Variants in COL11A1 observed in about 807,000 individuals in gnomAD.
COL11A1 encodes the protein collagen type XI alpha 1 chain.
COL11A1 carries 74 observed loss-of-function variants against 265.2 expected under a neutral mutation model. The ratio of observed to expected loss-of-function variants is 0.28; its 90% CI spans 0.23 to 0.34. The LOEUF is 0.34. Among genes scored for constraint, COL11A1 ranks in the 10% least tolerant of loss-of-function variants. The pLI, the probability that COL11A1 is intolerant of heterozygous loss-of-function variation, is 1.00. For missense variants in COL11A1, 2,165 were observed against 2,263.6 expected, an observed-to-expected ratio of 0.96 and a Z score of 0.88; for synonymous variants, 816 against 727.6, an observed-to-expected ratio of 1.12 and a Z score of -1.96.
chr1:103,107,422 G>A (rs1318896544), intron 1 of COL11A1, among the ~76,000 whole-genome samples: 1 of 151,940 alleles, frequency 6.6e-6, no homozygotes, highest in Non-Finnish European at 1.5e-5. Context: ...TCAGGGGAAA[G>A]TGTTCTCCCT....
At chr1:102,951,397 G>A (rs1002056656) in intron 41 of COL11A1, among the ~76,000 whole-genome samples, 1 of 152,154 alleles carries the variant, frequency 6.6e-6, no homozygotes, top group Non-Finnish European at 1.5e-5. Flanking sequence ...TGTTGAACAT[G>A]TTAAAAATTT....
At chr1:103,036,345 TATATATG>T in intron 4 of COL11A1, among the ~76,000 whole-genome samples, 1 of 139,640 alleles carries the variant, frequency 7.2e-6, no homozygotes, top group South Asian at 2.2e-4. Flanking sequence ...TATATATATA[TATATATG>T]ATACTTATGT....
chr1:103,061,484 C>T (rs1325931478), intron 4 of COL11A1, among the ~76,000 whole-genome samples: 1 of 152,016 alleles, frequency 6.6e-6, no homozygotes, highest in Non-Finnish European at 1.5e-5. Context: ...TCAAGATATA[C>T]TACATTCATG....
In COL11A1 at chr1:102,893,810, C is replaced by T. The variant is rs559286094; in HGVS notation, c.4303-3306G>A. 3.9e-5 allele frequency among the ~76,000 whole-genome samples: 6 copies of T among 152,142 alleles called. No individual in the cohort carries two copies. In the East Asian group the frequency reaches 1.2e-3, roughly 29 times the overall value. ...TATTTAATCTGGTGAAAAGCAAATG[C>T]TTTTTTATTTAAACCTTTTTAATCA... On this transcript the variant is annotated intron_variant, in intron 57 of 66. Coordinates refer to ENST00000370096, the MANE Select transcript of COL11A1 (RefSeq NM_001854.4).
intron 49 of COL11A1, among the ~76,000 whole-genome samples, chr1:102,918,623 A>G (rs1183445732): frequency 2.0e-5 from 3 of 151,856 alleles, no homozygotes; most frequent in African/African-American, 7.2e-5. Flanking sequence ...GAAGGTTAGA[A>G]TTCTGCTTCT....
At chr1:103,045,043 G>A (rs1669135495) in intron 4 of COL11A1, among the ~76,000 whole-genome samples, 1 of 151,962 alleles carries the variant, frequency 6.6e-6, no homozygotes, top group African/African-American at 2.4e-5. Flanking sequence ...CAGGCAGAAG[G>A]ACTAATGAAT....
At chr1:102,903,008 T>C (rs538922032) in intron 54 of COL11A1, among the ~76,000 whole-genome samples, 1 of 152,214 alleles carries the variant, frequency 6.6e-6, no homozygotes, top group South Asian at 2.1e-4. Context: ...TTTGGCAATA[T>C]GAGCCGAATT....
intron 4 of COL11A1, among the ~76,000 whole-genome samples, chr1:103,060,304 A>T (rs111943741): frequency 0.023 from 3,549 of 152,244 alleles, 52 homozygotes; most frequent in Middle Eastern, 0.061. Flanking sequence ...AGACAAACAA[A>T]AATTGAGGAA....
rs1209965791 is a variant in COL11A1 at position 102,883,339 on chromosome 1, T to C, written c.4859-28A>G. ...AGAAGGTAGCAAAAAATATGTCATA[T>C]AAAAATTCATTGACATCATTGTTGA... On this transcript the variant is annotated intron_variant, in intron 63 of 66. Transcript: ENST00000370096. 5 of 1,391,638 alleles carry C rather than the reference T, an allele frequency of 3.6e-6. 1 individual carries two copies. Among genetic ancestry groups the C allele is most frequent in the South Asian group, 3.5e-5 (3 of 86,670 alleles). The allele number at this position is 1,391,638 out of a possible 1,614,324, so 86.2% of individuals were successfully genotyped here.
intron 4 of COL11A1, among the ~76,000 whole-genome samples, chr1:103,070,439 G>T (rs1247822683): frequency 6.6e-6 from 1 of 151,498 alleles, no homozygotes; most frequent in African/African-American, 2.4e-5. Context: ...AAAAAAACGA[G>T]TTAAAACGAG....
At chr1:102,990,968 G>A (rs72985787) in intron 28 of COL11A1, among the ~76,000 whole-genome samples, 1 of 152,128 alleles carries the variant, frequency 6.6e-6, no homozygotes, top group Non-Finnish European at 1.5e-5. Flanking sequence ...AGGAGGTAGA[G>A]GTTGCAGCGA....
At chr1:102,922,435 C>A (rs1433257008) in intron 47 of COL11A1, among the ~76,000 whole-genome samples, 1 of 152,104 alleles carries the variant, frequency 6.6e-6, no homozygotes, top group Non-Finnish European at 1.5e-5. Flanking sequence ...CTTGCTCTGT[C>A]GCCCAGGCTG....
At chr1:102,913,714 A>G (rs1282376237) in intron 52 of COL11A1, 24 bp from the exon 53 acceptor site, 2 of 1,604,676 alleles carry the variant, frequency 1.2e-6, no homozygotes, top group South Asian at 1.1e-5. Flanking sequence ...TAAAATATGA[A>G]GCAAGATATA....
chr1:102,893,677 T>C (rs1375068993), intron 57 of COL11A1, among the ~76,000 whole-genome samples: 1 of 152,178 alleles, frequency 6.6e-6, no homozygotes, highest in Non-Finnish European at 1.5e-5. Flanking sequence ...TGCAGTATTA[T>C]ACTTTCTGGA....
chr1:102,915,263 A>C (rs913628044), intron 50 of COL11A1, among the ~76,000 whole-genome samples: 5 of 152,146 alleles, frequency 3.3e-5, no homozygotes, highest in African/African-American at 7.2e-5. Flanking sequence ...GGGCAAATTT[A>C]ATCGCGTTTT....
Position 102,898,997 on chromosome 1 carries a change from A to G in COL11A1, c.4087-3T>C, listed in dbSNP as rs757276460. 2.6e-6 allele frequency: 4 copies of G among 1,532,802 alleles called. No individual in the cohort carries two copies. In the South Asian group the frequency reaches 5.0e-5, roughly 19 times the overall value. The allele number at this position is 1,532,802 out of a possible 1,614,324, so 95.0% of individuals were successfully genotyped here. ...GCACCTGCAGCTCCAGGAGGACCCT[A>G]TAGACATAAGATTTATTGTAAAATA... On this transcript the variant is annotated splice_region_variant and splice_polypyrimidine_tract_variant and intron_variant, in intron 54 of 66. Transcript: ENST00000370096.
intron 43 of COL11A1, 91 bp downstream of exon 43, chr1:102,940,236 C>T (rs748872506): frequency 4.1e-5 from 42 of 1,025,016 alleles, no homozygotes; most frequent in South Asian, 1.2e-4. Flanking sequence ...TTTCACCTGG[C>T]GCCTAATCAT....
chr1:103,029,101 T>A (rs35269818), intron 5 of COL11A1, among the ~76,000 whole-genome samples: 5,590 of 152,118 alleles, frequency 0.037, 121 homozygotes, highest in Middle Eastern at 0.084. Flanking sequence ...CATATAACAA[T>A]GTGAATCTTA....
At chr1:102,953,549 T>C (rs1660092531) in intron 41 of COL11A1, among the ~76,000 whole-genome samples, 1 of 152,190 alleles carries the variant, frequency 6.6e-6, no homozygotes, top group South Asian at 2.1e-4. Flanking sequence ...ATATTTAATA[T>C]AACTAAAGTT....
Sources: allele counts gnomAD v4.1 joint callset (sites outside exome capture counted in the v4.1 genomes callset), GRCh38; gene constraint gnomAD v4.1.1; transcripts MANE v1.5; gene names NCBI Gene and HGNC (gene_info 2026-07-23, HGNC 2026-07-21).